Variants in CNTNAP2 observed in about 807,000 individuals in gnomAD.
CNTNAP2 encodes contactin-associated protein-like 2.
A neutral mutation model predicts 155.2 loss-of-function variants in CNTNAP2; 98 were observed. That is an observed-to-expected ratio of 0.63 (90% CI 0.54 to 0.75). The LOEUF (loss-of-function observed/expected upper bound fraction) is 0.75, where lower values mean the gene tolerates loss of function less well. Among genes scored for constraint, CNTNAP2 ranks in the 30% least tolerant of loss-of-function variants. The pLI, the probability that CNTNAP2 is intolerant of heterozygous loss-of-function variation, is 0.00. For synonymous variants in CNTNAP2, 651 were observed against 631.2 expected (o/e 1.03, Z -0.47); for missense variants, 1,727 against 1,688.1 (o/e 1.02, Z -0.40).
Position 146,842,538 on chromosome 7 carries a change from GTTTTGAT to G in CNTNAP2, c.402+2636_402+2642del, listed in dbSNP as rs562352801. 2.0e-3 allele frequency among the ~76,000 whole-genome samples: 307 copies of G among 152,196 alleles called. 2 individuals are homozygous for G. Among genetic ancestry groups the G allele is most frequent in the African/African-American group, 6.9e-3 (288 of 41,478 alleles). ...GACTGGGTAATTTACGAAGAAAAGA[GTTTTGAT>G]TGACTCACGTTTCCACAGGCTGTAT... On this transcript the variant is annotated intron_variant, in intron 3 of 23. Transcript: ENST00000361727.
intron 15 of CNTNAP2, among the ~76,000 whole-genome samples, chr7:148,074,893 T>G (rs1401467009): frequency 6.6e-6 from 1 of 152,180 alleles, no homozygotes; most frequent in Non-Finnish European, 1.5e-5. Context: ...TATCAACACT[T>G]TCTCATCCCC....
chr7:148,354,190 T>A (rs952077672), intron 21 of CNTNAP2, among the ~76,000 whole-genome samples: 14 of 138,516 alleles, frequency 1.0e-4, no homozygotes, highest in Non-Finnish European at 1.8e-4. Flanking sequence ...TTTTTTTTTT[T>A]TTTTTTTTTT....
In CNTNAP2 at chr7:146,404,124, C is replaced by CAA. The variant is rs1163559597; in HGVS notation, c.97+287168_97+287169dup. Among the ~76,000 whole-genome samples the CAA allele has an allele frequency of 7.6e-4, 55 of 72,728 alleles. 2 individuals are homozygous for CAA. Among genetic ancestry groups the CAA allele is most frequent in the South Asian group, 2.7e-3 (5 of 1,846 alleles). The allele number at this position is 72,728 out of a possible 152,430, so 47.7% of individuals were successfully genotyped here. A position where few individuals can be genotyped will look rare whatever the true frequency, so the allele number is the denominator to read the frequency against. ...TGGGCGACAGAGCGAGACTCCGTCT[C>CAA]AAAAAAAAAAAAAAAAAACAAAGAA... is the stretch of plus-strand genomic sequence containing the variant. On this transcript the variant is annotated intron_variant, in intron 1 of 23. Coordinates refer to ENST00000361727, the MANE Select transcript of CNTNAP2 (RefSeq NM_014141.6).
chr7:146,515,028 A>C (rs746173854), intron 1 of CNTNAP2, among the ~76,000 whole-genome samples: 3 of 152,002 alleles, frequency 2.0e-5, no homozygotes, highest in Admixed American at 2.0e-4. Flanking sequence ...TATCCCAGCT[A>C]TGTGAAAAGG....
At chr7:147,507,550 CTTT>C (rs3052511) in intron 11 of CNTNAP2, among the ~76,000 whole-genome samples, 18 of 82,016 alleles carry the variant, frequency 2.2e-4, no homozygotes, top group African/African-American at 5.0e-4. Context: ...CTCTTTCTTT[CTTT>C]TTTTTTTTTT....
intron 15 of CNTNAP2, among the ~76,000 whole-genome samples, chr7:148,109,918 C>T (rs561717915): frequency 1.1e-3 from 170 of 152,290 alleles, no homozygotes; most frequent in Non-Finnish European, 2.0e-3. Context: ...GGACTAATGA[C>T]CCTTGTCTCC....
At chr7:146,561,097 A>G (rs542074615) in intron 1 of CNTNAP2, among the ~76,000 whole-genome samples, 1 of 152,176 alleles carries the variant, frequency 6.6e-6, no homozygotes, top group Non-Finnish European at 1.5e-5. Flanking sequence ...GTAGAAAGAA[A>G]TTGCCCATCA....
chr7:146,394,646 A>G (rs930387934), intron 1 of CNTNAP2, among the ~76,000 whole-genome samples: 4 of 152,188 alleles, frequency 2.6e-5, no homozygotes, highest in African/African-American at 9.7e-5. Flanking sequence ...CTCCCCATGA[A>G]TAATAAAAAT....
At chr7:147,394,075 A>G (rs757641490) in intron 9 of CNTNAP2, among the ~76,000 whole-genome samples, 1 of 152,000 alleles carries the variant, frequency 6.6e-6, no homozygotes, top group Non-Finnish European at 1.5e-5. Flanking sequence ...TAATCCCTGT[A>G]TGTCATGGGA....
intron 1 of CNTNAP2, among the ~76,000 whole-genome samples, chr7:146,452,205 C>A (rs1329379982): frequency 6.6e-6 from 1 of 152,018 alleles, no homozygotes; most frequent in Non-Finnish European, 1.5e-5. Context: ...CTGCGCCCGG[C>A]CTCTTCTATA....
At chr7:146,335,107 T>A (rs1293413622) in intron 1 of CNTNAP2, among the ~76,000 whole-genome samples, 1 of 152,230 alleles carries the variant, frequency 6.6e-6, no homozygotes, top group East Asian at 1.9e-4. Flanking sequence ...AGTGGCCAAA[T>A]GCTCAGAAAT....
chr7:147,518,401 G>A (rs1417329159), intron 11 of CNTNAP2, among the ~76,000 whole-genome samples: 2 of 152,158 alleles, frequency 1.3e-5, no homozygotes, highest in Non-Finnish European at 2.9e-5. Flanking sequence ...AGAAGATGAA[G>A]GAGACAGGCA....
intron 13 of CNTNAP2, among the ~76,000 whole-genome samples, chr7:147,737,240 C>G (rs144306885): frequency 2.2e-3 from 328 of 152,304 alleles, no homozygotes; most frequent in African/African-American, 7.5e-3. Context: ...TTCCTTCTAA[C>G]AGCCAGGACC....
At chr7:148,336,717 T>A (rs146065018) in intron 21 of CNTNAP2, among the ~76,000 whole-genome samples, 22 of 152,308 alleles carry the variant, frequency 1.4e-4, no homozygotes, top group Non-Finnish European at 2.6e-4. Flanking sequence ...ACACATTCCT[T>A]AGGAAACATT....
intron 10 of CNTNAP2, among the ~76,000 whole-genome samples, chr7:147,421,470 C>G (rs986659568): frequency 6.6e-6 from 1 of 151,682 alleles, no homozygotes; most frequent in Non-Finnish European, 1.5e-5. Context: ...TGTTAAAATA[C>G]AAATACAATT....
chr7:146,669,624 T>A (rs957484984), intron 1 of CNTNAP2, among the ~76,000 whole-genome samples: 2 of 152,138 alleles, frequency 1.3e-5, no homozygotes, highest in African/African-American at 4.8e-5. Context: ...TTTTTGAACA[T>A]CCCGTAGATA....
intron 11 of CNTNAP2, among the ~76,000 whole-genome samples, chr7:147,493,413 A>G (rs773950835): frequency 2.6e-5 from 4 of 152,290 alleles, no homozygotes; most frequent in African/African-American, 9.6e-5. Context: ...TCAGATGCTC[A>G]GTGTGTCCCT....
chr7:148,068,565 T>C (rs1803314400), intron 15 of CNTNAP2, among the ~76,000 whole-genome samples: 1 of 152,064 alleles, frequency 6.6e-6, no homozygotes, highest in Admixed American at 6.5e-5. Flanking sequence ...TATATTATGC[T>C]TAAGCTTTGT....
At chr7:146,528,835 A>C (rs1344727307) in intron 1 of CNTNAP2, among the ~76,000 whole-genome samples, 2 of 152,202 alleles carry the variant, frequency 1.3e-5, no homozygotes, top group African/African-American at 2.4e-5. Context: ...AGTGATATGC[A>C]GGATGAGCTC....
Sources: allele counts gnomAD v4.1 joint callset (sites outside exome capture counted in the v4.1 genomes callset), GRCh38; gene constraint gnomAD v4.1.1; transcripts MANE v1.5; gene names NCBI Gene and HGNC (gene_info 2026-07-23, HGNC 2026-07-21).